SUGCT: variants seen among roughly 807,000 people sequenced by gnomAD.
The protein encoded by SUGCT is succinyl-CoA:glutarate CoA-transferase.
SUGCT carries 41 observed loss-of-function variants against 55.0 expected under a neutral mutation model. That is an observed-to-expected ratio of 0.74 (90% CI 0.58 to 0.97). The LOEUF is 0.97. Among genes scored for constraint, SUGCT ranks in the 50% least tolerant of loss-of-function variants. The probability of loss-of-function intolerance (pLI) is 0.00; values close to 1 mark genes in which losing one functional copy is unlikely to be tolerated. For missense variants in SUGCT, 568 were observed against 547.8 expected, an observed-to-expected ratio of 1.04 and a Z score of -0.37; for synonymous variants, 187 against 200.4, an observed-to-expected ratio of 0.93 and a Z score of 0.56.
At chr7:40,769,609 T>C (rs1012086254) in intron 13 of SUGCT, among the ~76,000 whole-genome samples, 1 of 152,162 alleles carries the variant, frequency 6.6e-6, no homozygotes, top group Non-Finnish European at 1.5e-5. Context: ...CACTAGAAAC[T>C]GAAAAAGGCA....
intron 12 of SUGCT, among the ~76,000 whole-genome samples, chr7:40,619,559 A>G (rs967014737): frequency 5.9e-5 from 9 of 152,196 alleles, no homozygotes; most frequent in African/African-American, 1.9e-4. Flanking sequence ...TTAATAATGC[A>G]TGGCCTTTCC....
chr7:40,588,787 G>A (rs967281047), intron 12 of SUGCT, among the ~76,000 whole-genome samples: 1 of 152,118 alleles, frequency 6.6e-6, no homozygotes, highest in East Asian at 1.9e-4. Context: ...ATCTACTATT[G>A]TGGAATTTGA....
chr7:40,811,637 G>A (rs914795611), intron 13 of SUGCT, among the ~76,000 whole-genome samples: 11 of 152,092 alleles, frequency 7.2e-5, no homozygotes, highest in African/African-American at 2.7e-4. Flanking sequence ...AAACTTTAGT[G>A]AACTTGTTTA....
chr7:40,625,533 T>C (rs979737007), intron 12 of SUGCT, among the ~76,000 whole-genome samples: 1 of 152,062 alleles, frequency 6.6e-6, no homozygotes, highest in Admixed American at 6.6e-5. Context: ...ATCCATCAGT[T>C]CAAAATTCGT....
the SUGCT span, among the ~76,000 whole-genome samples, chr7:41,038,440 G>A: frequency 0.021 from 3,192 of 152,302 alleles, 116 homozygotes; most frequent in African/African-American, 0.073. Flanking sequence ...GGAATGTTCC[G>A]CAGGCCTGTT....
intron 12 of SUGCT, among the ~76,000 whole-genome samples, chr7:40,542,669 A>G (rs976431974): frequency 6.6e-6 from 1 of 152,222 alleles, no homozygotes; most frequent in Non-Finnish European, 1.5e-5. Context: ...AATAAGGAGA[A>G]AACATTTATA....
At chr7:40,616,158 A>T (rs182270692) in intron 12 of SUGCT, among the ~76,000 whole-genome samples, 2 of 152,204 alleles carry the variant, frequency 1.3e-5, no homozygotes, top group Admixed American at 1.3e-4. Flanking sequence ...TTTCTTCTTT[A>T]TTCTTTGAAG....
intron 13 of SUGCT, among the ~76,000 whole-genome samples, chr7:40,853,805 A>G (rs1263790736): frequency 1.3e-5 from 2 of 152,266 alleles, no homozygotes; most frequent in Admixed American, 1.3e-4. Context: ...GAAAAGTCCA[A>G]TGAAATAATG....
chr7:40,802,290 C>T (rs1790863927), intron 13 of SUGCT, among the ~76,000 whole-genome samples: 1 of 151,838 alleles, frequency 6.6e-6, no homozygotes, highest in Non-Finnish European at 1.5e-5. Flanking sequence ...GGAAATTTCC[C>T]CAGTGGTGTC....
Position 40,316,869 on chromosome 7 carries a change from A to T in SUGCT, c.816+14A>T. On this transcript the variant is annotated intron_variant, in intron 9 of 13. Coordinates refer to ENST00000335693, the MANE Select transcript of SUGCT (RefSeq NM_001193313.2). The stretch of plus-strand genomic sequence containing the variant: ...GTTCCTTACCAGGTAAGACTACAGC[A>T]GTCTAGGGTTGGGCTGTTGTAATTT... 6.9e-7 allele frequency: 1 copy of T among 1,442,328 alleles called. No homozygotes were observed. Among genetic ancestry groups the T allele is most frequent in the Non-Finnish European group, 9.4e-7 (1 of 1,062,834 alleles). 89.3% of individuals were successfully genotyped at this position (1,442,328 alleles called of 1,614,324 possible).
intron 9 of SUGCT, among the ~76,000 whole-genome samples, chr7:40,320,867 G>A (rs998310920): frequency 1.3e-5 from 2 of 152,102 alleles, no homozygotes; most frequent in African/African-American, 4.8e-5. Flanking sequence ...TGAAGCCTGG[G>A]CTTTTAGTGC....
intron 9 of SUGCT, among the ~76,000 whole-genome samples, chr7:40,354,138 A>G (rs1422171535): frequency 1.3e-5 from 2 of 152,124 alleles, no homozygotes; most frequent in Non-Finnish European, 2.9e-5. Context: ...GTAAGGTGGA[A>G]GGGAGTTTCT....
intron 12 of SUGCT, among the ~76,000 whole-genome samples, chr7:40,647,765 C>A (rs1027685185): frequency 4.6e-5 from 7 of 151,534 alleles, no homozygotes; most frequent in Non-Finnish European, 7.4e-5. Flanking sequence ...GCAGGAGAAT[C>A]GCTTGAGCCC....
intron 9 of SUGCT, among the ~76,000 whole-genome samples, chr7:40,329,259 G>A (rs904336782): frequency 3.9e-5 from 6 of 152,156 alleles, no homozygotes; most frequent in African/African-American, 1.4e-4. Flanking sequence ...AACAATGGTA[G>A]AAAGCCTGTA....
chr7:40,583,040 C>A (rs1358858879), intron 12 of SUGCT, among the ~76,000 whole-genome samples: 2 of 152,040 alleles, frequency 1.3e-5, no homozygotes, highest in African/African-American at 4.8e-5. Flanking sequence ...AAATACAGAA[C>A]ACAAAAACTA....
chr7:40,926,468 G>C, the SUGCT span, among the ~76,000 whole-genome samples: 13 of 151,794 alleles, frequency 8.6e-5, no homozygotes, highest in Non-Finnish European at 1.3e-4. Flanking sequence ...TAAAAACTTA[G>C]AATAAAGTAA....
chr7:40,703,150 C>A (rs376890220), intron 12 of SUGCT, among the ~76,000 whole-genome samples: 1 of 151,470 alleles, frequency 6.6e-6, no homozygotes, highest in Non-Finnish European at 1.5e-5. Context: ...CTGCAAACTC[C>A]GCCTCTCGGG....
chr7:41,016,282 G>A, the SUGCT span, among the ~76,000 whole-genome samples: 1 of 152,160 alleles, frequency 6.6e-6, no homozygotes, highest in African/African-American at 2.4e-5. Context: ...CAAGGTGGAT[G>A]TTTACTGGCT....
chr7:40,615,960 C>A (rs368058087), intron 12 of SUGCT, among the ~76,000 whole-genome samples: 19 of 152,222 alleles, frequency 1.2e-4, no homozygotes, highest in African/African-American at 4.1e-4. Context: ...AATAATATTA[C>A]GGTTTAATTA....
Sources: gnomAD v4.1 joint callset for allele counts (sites outside exome capture counted in the v4.1 genomes callset) on GRCh38, gnomAD v4.1.1 for gene constraint, MANE v1.5 for transcripts, NCBI Gene and HGNC (gene_info 2026-07-23, HGNC 2026-07-21) for gene names.